Variants in RYR1 observed in about 807,000 individuals in gnomAD.
RYR1 encodes ryanodine receptor 1, also known as central core disease of muscle.
In RYR1, 342 loss-of-function variants were observed where a neutral mutation model predicts 583.5. The observed-to-expected ratio is 0.59, with a 90% CI of 0.54 to 0.64. The LOEUF is 0.64. RYR1 is among the 30% of genes least tolerant of loss of function. The pLI, the probability that RYR1 is intolerant of heterozygous loss-of-function variation, is 0.00. For synonymous variants in RYR1, 2,791 were observed against 2,822.5 expected, an observed-to-expected ratio of 0.99 and a Z score of 0.35; for missense variants, 6,032 against 6,917.2, an observed-to-expected ratio of 0.87 and a Z score of 4.54.
intron 101 of RYR1, among the ~76,000 whole-genome samples, chr19:38,581,522 A>G (rs59812056): frequency 0.12 from 18,585 of 151,870 alleles, 2,262 homozygotes; most frequent in African/African-American, 0.3. Flanking sequence ...GCCATGTCAG[A>G]TACTTTGAAC....
chr19:38,511,277 C>T (rs779326137), intron 60 of RYR1, among the ~76,000 whole-genome samples: 1 of 152,080 alleles, frequency 6.6e-6, no homozygotes, highest in African/African-American at 2.4e-5. Context: ...GCCTGGGTGA[C>T]AGAGCAAGAC....
At chr19:38,532,122 CTTTT>C (rs552357645) in intron 76 of RYR1, among the ~76,000 whole-genome samples, 3 of 138,720 alleles carry the variant, frequency 2.2e-5, no homozygotes, top group Non-Finnish European at 3.1e-5. Flanking sequence ...ACCAGAAGCT[CTTTT>C]TTTTTTTTTT....
chr19:38,542,645 G>T (rs1008809058), intron 84 of RYR1, among the ~76,000 whole-genome samples: 17 of 150,504 alleles, frequency 1.1e-4, no homozygotes, highest in African/African-American at 3.4e-4. Flanking sequence ...CAGCCTCCCA[G>T]GTAGCTGGGA....
chr19:38,529,579 G>A (rs1193239218), intron 76 of RYR1, among the ~76,000 whole-genome samples: 1 of 152,174 alleles, frequency 6.6e-6, no homozygotes, highest in East Asian at 1.9e-4. Context: ...CATGTCTGAG[G>A]GGTTCGTATC....
chr19:38,515,216 C>G, intron 64 of RYR1, 109 bp downstream of exon 64: 1 of 888,862 alleles, frequency 1.1e-6, no homozygotes, highest in Non-Finnish European at 1.8e-6. Context: ...TAAGAATTTT[C>G]CCGCACACGG....
intron 69 of RYR1, chr19:38,523,699 A>G (rs1971327990): frequency 4.7e-6 from 3 of 631,626 alleles, no homozygotes; most frequent in Admixed American, 2.5e-5. Context: ...CCATTACCCC[A>G]TTTCCTGCTT....
At chr19:38,455,849 C>T (rs968713860) in intron 16 of RYR1, 98 bp downstream of exon 16, 2 of 788,784 alleles carry the variant, frequency 2.5e-6, no homozygotes, top group Non-Finnish European at 4.5e-6. Context: ...TTCCCTCCTC[C>T]ATCTCATCTC....
rs398123468 is a variant in RYR1, at chr19:38,587,427, C to G, written c.*7C>G. On this transcript the variant is annotated 3_prime_UTR_variant, in exon 106 of 106. Coordinates refer to ENST00000359596, the MANE Select transcript of RYR1 (RefSeq NM_000540.3). The stretch of plus-strand genomic sequence containing the variant: ...TGAGGACCAGCTTAGCTGACACACC[C>G]CCAGCTGGCCCTCCACCCCCACCTC... 3.1e-6 allele frequency: 5 copies of G among 1,609,110 alleles called. No homozygotes were observed. The highest frequency in any genetic ancestry group is 1.6e-4 in the Middle Eastern group (1 of 6,070).
chr19:38,534,809 T>C lies in RYR1; in HGVS notation c.11349T>C (p.Ser3783=), dbSNP rs1202746086. The change falls in exon 79 of 106, where the codon AGT becomes AGC. Residue 3783 remains serine, a synonymous_variant. Transcript: ENST00000359596. ...CCGAGATGGTGCTGCAGATGATCAG[T>C]GCCTGCAAAGGTGCCCCTCACATGT... ...GAAEMVLQMI[S]ACKGETGAMV... 1 of 1,612,536 alleles carries C rather than the reference T, an allele frequency of 6.2e-7. No individual in the cohort carries two copies. Among genetic ancestry groups the C allele is most frequent in the Admixed American group, 1.7e-5 (1 of 59,786 alleles).
intron 97 of RYR1, 30 bp from the exon 98 acceptor site, chr19:38,577,888 G>A: frequency 6.2e-7 from 1 of 1,613,870 alleles, no homozygotes; most frequent in Non-Finnish European, 8.5e-7. Flanking sequence ...CTCCAGCTGT[G>A]TCTACACAGC....
intron 88 of RYR1, 69 bp downstream of exon 88, chr19:38,546,595 A>G: frequency 8.5e-7 from 1 of 1,180,590 alleles, no homozygotes; most frequent in Non-Finnish European, 1.3e-6. Flanking sequence ...TGGCCCCCTG[A>G]GACCCGGGAG....
At chr19:38,574,334 G>A (rs1973862800) in intron 96 of RYR1, among the ~76,000 whole-genome samples, 1 of 151,658 alleles carries the variant, frequency 6.6e-6, no homozygotes. Context: ...AGGGGCCCTA[G>A]GGGCCGCACT....
In RYR1 at chr19:38,573,087, CA is replaced by C. The variant is rs1973795894; in HGVS notation, c.13999-89del. 5 of 1,580,380 alleles carry C rather than the reference CA, an allele frequency of 3.2e-6. No individual in the cohort carries two copies. In the African/African-American group the frequency reaches 6.7e-5, roughly 21 times the overall value. On this transcript the variant is annotated intron_variant, in intron 95 of 105. Transcript: ENST00000359596. ...AGCACTTCTGATGTGGGGTCACACA[CA>C]GACCCCAGCAAGATGTCATGGCTTC...
At chr19:38,536,715 C>T (rs763560892) in intron 82 of RYR1, 35 bp from the exon 83 acceptor site, 3 of 1,613,508 alleles carry the variant, frequency 1.9e-6, no homozygotes, top group African/African-American at 2.7e-5. Flanking sequence ...TCTCTTTTCT[C>T]CTGCTTCCTC....
intron 38 of RYR1, 141 bp downstream of exon 38, chr19:38,492,777 G>A: frequency 1.1e-6 from 1 of 897,082 alleles, no homozygotes; most frequent in Non-Finnish European, 1.7e-6. Context: ...AAGAGTGGCG[G>A]GCAAAGTGGA....
chr19:38,494,744 CG>C, intron 39 of RYR1, 119 bp downstream of exon 39: 2 of 1,259,250 alleles, frequency 1.6e-6, no homozygotes, highest in Non-Finnish European at 2.3e-6. Flanking sequence ...CTCAGTCTCT[CG>C]ATGGCTAGCT....
chr19:38,466,377 G>T lies in RYR1; in HGVS notation c.3157G>T (p.Glu1053Ter). Residue 1053 changes from glutamate (E) to a stop codon, truncating the protein, a stop_gained, in exon 24 of 106, where the codon GAG becomes TAG. Coordinates refer to ENST00000359596, the MANE Select transcript of RYR1 (RefSeq NM_000540.3). LOFTEE classifies it high-confidence loss of function. ...CCTCCTGGGCTACGGCTACAACATC[G>T]AGCCTCCTGACCAGGAGCCCAGTGA... ...RTLLGYGYNIEPPDQEPSQVE... is the reference protein window; with the variant it reads ...RTLLGYGYNI 1 of 1,554,164 alleles carries T rather than the reference G, an allele frequency of 6.4e-7. No homozygotes were observed. The highest frequency in any genetic ancestry group is 8.7e-7 in the Non-Finnish European group (1 of 1,151,930).
intron 66 of RYR1, among the ~76,000 whole-genome samples, chr19:38,518,154 G>A (rs967401150): frequency 6.6e-6 from 1 of 151,790 alleles, no homozygotes; most frequent in Non-Finnish European, 1.5e-5. Context: ...AAGAAAGAAG[G>A]AAGGATGGAG....
intron 37 of RYR1, 110 bp downstream of exon 37, chr19:38,490,842 AC>A: frequency 1.3e-6 from 1 of 746,924 alleles, no homozygotes; most frequent in Non-Finnish European, 2.4e-6. Flanking sequence ...GTGCTATGTA[AC>A]TATTGGTTGA....
Sources: gnomAD v4.1 joint callset for allele counts (sites outside exome capture counted in the v4.1 genomes callset) on GRCh38, gnomAD v4.1.1 for gene constraint, MANE v1.5 for transcripts, NCBI Gene and HGNC (gene_info 2026-07-23, HGNC 2026-07-21) for gene names.